Variants in FREM2 observed in about 807,000 individuals in gnomAD.
The protein encoded by FREM2 is FRAS1-related extracellular matrix protein 2.
In FREM2, 119 loss-of-function variants were observed where a neutral mutation model predicts 219.9. The ratio of observed to expected loss-of-function variants is 0.54; its 90% CI spans 0.47 to 0.63. The LOEUF is 0.63. Among genes scored for constraint, FREM2 ranks in the 30% least tolerant of loss-of-function variants. FREM2 has a pLI of 0.00. For missense variants in FREM2, 4,030 were observed against 3,993.6 expected (o/e 1.01, Z -0.25); for synonymous variants, 1,562 against 1,522.8 (o/e 1.03, Z -0.60).
chr13:38,876,841 ATT>A (rs1299349968), intron 20 of FREM2, among the ~76,000 whole-genome samples: 1 of 152,088 alleles, frequency 6.6e-6, no homozygotes, highest in Non-Finnish European at 1.5e-5. Context: ...TGACAATGAT[ATT>A]TACAAGTCCT....
intron 2 of FREM2, among the ~76,000 whole-genome samples, chr13:38,742,841 A>T (rs955682198): frequency 1.1e-4 from 17 of 152,192 alleles, no homozygotes; most frequent in African/African-American, 3.9e-4. Context: ...AACCAACAAC[A>T]TGTTTGAATT....
intron 2 of FREM2, among the ~76,000 whole-genome samples, chr13:38,723,406 G>A (rs1385693882): frequency 6.6e-6 from 1 of 152,040 alleles, no homozygotes; most frequent in African/African-American, 2.4e-5. Flanking sequence ...AAGAGTATTT[G>A]TACACTTTCC....
chr13:38,714,952 C>T (rs1870937258), intron 2 of FREM2, among the ~76,000 whole-genome samples: 1 of 151,364 alleles, frequency 6.6e-6, no homozygotes, highest in Non-Finnish European at 1.5e-5. Context: ...ATTAGCTGGG[C>T]ATGGTGGCGG....
chr13:38,821,713 A>G (rs1876064195), intron 6 of FREM2: 1 of 152,136 alleles, frequency 6.6e-6, no homozygotes, highest in African/African-American at 2.4e-5. Flanking sequence ...TCCTGGCCTC[A>G]CTTCACGTGC....
At chr13:38,876,525 C>G in intron 20 of FREM2, 143 bp downstream of exon 20, 1 of 751,760 alleles carries the variant, frequency 1.3e-6, no homozygotes, top group Non-Finnish European at 2.2e-6. Context: ...GTTAAGGAAG[C>G]TAGGGATAAA....
At chr13:38,776,515 C>T (rs1392755851) in intron 4 of FREM2, among the ~76,000 whole-genome samples, 1 of 152,100 alleles carries the variant, frequency 6.6e-6, no homozygotes, top group African/African-American at 2.4e-5. Context: ...TGTTGTAGCA[C>T]AGTCAAAACC....
rs757646284 is a variant in FREM2, at chr13:38,859,301, A to T, written c.7230A>T (p.Lys2410Asn). The T allele has an allele frequency of 9.9e-6, 16 of 1,614,060 alleles. No homozygotes were observed. The highest frequency in any genetic ancestry group is 1.3e-5 in the African/African-American group (1 of 74,942). The part of the protein sequence containing the change: ...PVICITACNP[K>N]YSDYDKTGSI... ...GTTTTCCGTAGGCTTGCAACCCCAAATATTCAGACTACGATAAAACAGGCT... is the reference window on the plus strand; with the variant it reads ...GTTTTCCGTAGGCTTGCAACCCCAATTATTCAGACTACGATAAAACAGGCT... The change falls in exon 14 of 24, where the codon AAA (lysine) becomes AAT (asparagine). Residue 2410 changes from lysine to asparagine, a missense_variant. By Grantham distance (94) the Lys-to-Asn change is moderately conservative. Coordinates refer to ENST00000280481, the MANE Select transcript of FREM2 (RefSeq NM_207361.6).
rs57717937 is a variant in FREM2 at position 38,848,136 on chromosome 13, A to AT, written c.6170-320dup. Among the ~76,000 whole-genome samples the AT allele has an allele frequency of 1.9e-3, 288 of 152,258 alleles. 7 individuals are homozygous for AT. The East Asian group carries it at 0.047, about 25-fold the overall frequency. On this transcript the variant is annotated intron_variant, in intron 7 of 23. Transcript: ENST00000280481. ...GATCACATATTTGATTGATATGCTG[A>AT]TTTTTCTAAGCCTGATTTTTATTAC...
rs187321603 is a variant in FREM2, at chr13:38,756,036, G to A, written c.5264-8268G>A. Among the ~76,000 whole-genome samples, 12 of 152,312 alleles carry A rather than the reference G, an allele frequency of 7.9e-5. No individual in the cohort carries two copies. The East Asian group carries it at 2.3e-3, about 29-fold the overall frequency. On this transcript the variant is annotated intron_variant, in intron 2 of 23. Coordinates refer to ENST00000280481, the MANE Select transcript of FREM2 (RefSeq NM_207361.6). ...AGAGCTGCCCATCTGAGAATGCAGTGAGGGTTCCTTTCAATTCACACTCCT... is the reference window on the plus strand; with the variant it reads ...AGAGCTGCCCATCTGAGAATGCAGTAAGGGTTCCTTTCAATTCACACTCCT...
chr13:38,855,656 A>G (rs527474734), intron 11 of FREM2, among the ~76,000 whole-genome samples: 1 of 152,028 alleles, frequency 6.6e-6, no homozygotes, highest in African/African-American at 2.4e-5. Flanking sequence ...GTATATTCTC[A>G]CTCCTAAGTG....
intron 6 of FREM2, among the ~76,000 whole-genome samples, chr13:38,830,350 T>C (rs955846385): frequency 6.6e-6 from 1 of 152,178 alleles, no homozygotes; most frequent in Non-Finnish European, 1.5e-5. Flanking sequence ...CAAAGCATTG[T>C]CACTGTATTT....
chr13:38,715,547 A>G (rs1264991845), intron 2 of FREM2, among the ~76,000 whole-genome samples: 1 of 152,020 alleles, frequency 6.6e-6, no homozygotes, highest in African/African-American at 2.4e-5. Flanking sequence ...CCAGATCCCA[A>G]TCAATCCTAA....
At chr13:38,707,983 G>A (rs181969437) in intron 2 of FREM2, among the ~76,000 whole-genome samples, 1 of 152,248 alleles carries the variant, frequency 6.6e-6, no homozygotes, top group Admixed American at 6.5e-5. Context: ...AGCTTTCCCT[G>A]GTTCCTGAAT....
intron 6 of FREM2, among the ~76,000 whole-genome samples, chr13:38,808,680 G>A (rs969877612): frequency 5.3e-5 from 8 of 151,814 alleles, no homozygotes; most frequent in Admixed American, 2.0e-4. Context: ...TTCTATGGGC[G>A]CTGTTTGTGG....
rs1829420927 is a variant in FREM2 at position 38,885,790 on chromosome 13, T to G, written c.*5003T>G. 1 of 152,102 alleles carries G rather than the reference T, an allele frequency of 6.6e-6. No individual in the cohort carries two copies. Among genetic ancestry groups the G allele is most frequent in the African/African-American group, 2.4e-5 (1 of 41,434 alleles). The allele number at this position is 152,102 out of a possible 1,614,324, so 9.4% of individuals were successfully genotyped here. On this transcript the variant is annotated 3_prime_UTR_variant, in exon 24 of 24. Coordinates refer to ENST00000280481, the MANE Select transcript of FREM2 (RefSeq NM_207361.6). The stretch of plus-strand genomic sequence containing the variant: ...GCCTTGATTTTTCTCTCAATGGAGG[T>G]TCAACATTGACATTTAAGATGTAAA...
At chr13:38,754,717 T>A (rs745373485) in intron 2 of FREM2, among the ~76,000 whole-genome samples, 1 of 152,118 alleles carries the variant, frequency 6.6e-6, no homozygotes, top group Non-Finnish European at 1.5e-5. Flanking sequence ...AAGGCTGAGC[T>A]GAATTCAGCC....
chr13:38,836,389 A>G (rs895477608), intron 6 of FREM2, among the ~76,000 whole-genome samples: 5 of 152,168 alleles, frequency 3.3e-5, no homozygotes, highest in Admixed American at 2.6e-4. Flanking sequence ...CATCAGGGAT[A>G]GTGGCCTGAA....
At chr13:38,841,435 G>A (rs898994717) in intron 6 of FREM2, among the ~76,000 whole-genome samples, 2 of 152,076 alleles carry the variant, frequency 1.3e-5, no homozygotes, top group African/African-American at 2.4e-5. Flanking sequence ...GCCTGGAAGC[G>A]GCTGTTGGAG....
Position 38,864,523 on chromosome 13 carries a change from G to A in FREM2, c.7900G>A (p.Ala2634Thr), listed in dbSNP as rs750989546. ...CTTCTACCGGAACCTGAACCTAGAG[G>A]CCTGTTTATGGGAGTTCGTTAGCTA... Reference protein sequence around the residue: ...LRFYRNLNLEACLWEFVSYYD... With the variant: ...LRFYRNLNLETCLWEFVSYYD... Residue 2634 changes from alanine (A) to threonine (T), a missense_variant, in exon 16 of 24, where the codon GCC (alanine) becomes ACC (threonine). Ala to Thr is a moderately conservative substitution (Grantham distance 58, BLOSUM62 0). Around this residue, in one of 2 missense-constraint regions of FREM2, gnomAD observed 928 missense variants for 1,042.9 expected, o/e 0.89. Transcript: ENST00000280481. The A allele has an allele frequency of 3.7e-6, 6 of 1,614,070 alleles. No homozygotes were observed. The highest frequency in any genetic ancestry group is 2.7e-5 in the African/African-American group (2 of 74,920).
Sources: gnomAD v4.1 joint callset for allele counts (sites outside exome capture counted in the v4.1 genomes callset) on GRCh38, gnomAD v4.1.1 for gene constraint, gnomAD v4.1.1 regional missense constraint, MANE v1.5 for transcripts, NCBI Gene and HGNC (gene_info 2026-07-23, HGNC 2026-07-21) for gene names.